Variants in SSPN observed in about 807,000 individuals in gnomAD.
The protein encoded by SSPN is K-ras oncogene-associated protein.
SSPN carries 15 observed loss-of-function variants against 19.1 expected under a neutral mutation model. The ratio of observed to expected loss-of-function variants is 0.78; its 90% confidence interval spans 0.52 to 1.21. SSPN has a LOEUF of 1.21. SSPN is among the 50% of genes most tolerant of loss of function. SSPN has a pLI of 0.00. For missense variants in SSPN, 291 were observed against 314.0 expected (o/e 0.93, Z 0.55); for synonymous variants, 147 against 140.3 (o/e 1.05, Z -0.34).
At position 26,207,342 on chromosome 12, in the gene SSPN, C is replaced by T. The variant is rs184185425; in HGVS notation, c.279+11391C>T. ...ATAATAACATAGAAAAAAATGCCCA[C>T]TTATCCATTCCTAGCTTTGCTAAAT... is the stretch of plus-strand genomic sequence containing the variant. On this transcript the variant is annotated intron_variant, in intron 1 of 2. Coordinates refer to ENST00000242729, the MANE Select transcript of SSPN (RefSeq NM_005086.5). Among the ~76,000 whole-genome samples, 12 of 152,226 alleles carry T rather than the reference C, an allele frequency of 7.9e-5. No homozygotes were observed. In the East Asian group the frequency reaches 2.3e-3, roughly 29 times the overall value.
In SSPN at chr12:26,210,343, T is replaced by A. The variant is rs141021594; in HGVS notation, c.280-13950T>A. ...CTAACAAGTTAATTTCTTAATAGAA[T>A]CAAACCACTGTTTAAATATCCATGA... On this transcript the variant is annotated intron_variant, in intron 1 of 2. Transcript: ENST00000242729. Among the ~76,000 whole-genome samples the A allele has an allele frequency of 5.5e-3, 841 of 152,190 alleles. 10 individuals are homozygous for A. Among genetic ancestry groups the A allele is most frequent in the African/African-American group, 0.019 (798 of 41,514 alleles).
intron 1 of SSPN, among the ~76,000 whole-genome samples, chr12:26,135,421 A>C (rs1357846276): frequency 6.6e-6 from 1 of 152,194 alleles, no homozygotes; most frequent in East Asian, 1.9e-4. Context: ...CCAAGCTGGT[A>C]GGCACAGAGG....
Position 26,177,736 on chromosome 12 carries a change from A to AG in SSPN, c.-30-46556dup, listed in dbSNP as rs140741936. Among the ~76,000 whole-genome samples the AG allele has an allele frequency of 6.1e-3, 929 of 152,262 alleles. 12 individuals are homozygous for AG. The highest frequency in any genetic ancestry group is 0.021 in the African/African-American group (875 of 41,540). On this transcript the variant is annotated intron_variant, in intron 1 of 2. Transcript: ENST00000538142. The stretch of plus-strand genomic sequence containing the variant: ...AGCTGGAGCTAGTCTGGAGATCCTA[A>AG]GTGTCATATGATCTGTCTGACATCT...
At chr12:26,170,037 A>T (rs1345915227) in intron 1 of SSPN, among the ~76,000 whole-genome samples, 1 of 152,168 alleles carries the variant, frequency 6.6e-6, no homozygotes, top group Non-Finnish European at 1.5e-5. Flanking sequence ...AGCACCAAGG[A>T]TTCAAGCAAA....
chr12:26,187,007 C>A (rs1944758312), intron 1 of SSPN, among the ~76,000 whole-genome samples: 1 of 152,240 alleles, frequency 6.6e-6, no homozygotes, highest in Non-Finnish European at 1.5e-5. Context: ...CTTATTCTCT[C>A]CTGTCCTAGA....
At chr12:26,151,166 C>T (rs956199661) in intron 1 of SSPN, among the ~76,000 whole-genome samples, 1 of 141,844 alleles carries the variant, frequency 7.1e-6, no homozygotes, top group African/African-American at 2.5e-5. Flanking sequence ...TCTTGAGTGC[C>T]CTGTTAGTCT....
chr12:26,122,440 C>G (rs1228540449), intron 1 of SSPN: 7 of 1,356,076 alleles, frequency 5.2e-6, no homozygotes, highest in Non-Finnish European at 5.7e-6. Flanking sequence ...TAGGCGGCAG[C>G]TGCAGAAGGC....
Position 26,195,641 on chromosome 12 carries a change from G to GCCGCCCCCCCCCCCCC in SSPN, c.-31_-30insCGCCCCCCCCCCCCCC. 1 of 1,105,402 alleles carries GCCGCCCCCCCCCCCCC rather than the reference G, an allele frequency of 9.0e-7. No individual in the cohort carries two copies. The highest frequency in any genetic ancestry group is 3.7e-5 in the South Asian group (1 of 27,366). The allele number at this position is 1,105,402 out of a possible 1,614,324, so 68.5% of individuals were successfully genotyped here. A position where few individuals can be genotyped will look rare whatever the true frequency, so the allele number is the denominator to read the frequency against. ...CTCCAGGGCCCAGGGCGCCGCACAC[G>GCCGCCCCCCCCCCCCC]CACCCACCCACCCACCCAGCCTCGC... On this transcript the variant is annotated 5_prime_UTR_variant, in exon 1 of 3. Coordinates refer to ENST00000242729, the MANE Select transcript of SSPN (RefSeq NM_005086.5).
chr12:26,147,895 C>T (rs1944502281), intron 1 of SSPN, among the ~76,000 whole-genome samples: 1 of 151,950 alleles, frequency 6.6e-6, no homozygotes. Context: ...GTTTGTACCT[C>T]TGCGTTTGCA....
At chr12:26,191,634 G>C (rs1000363199), upstream of SSPN, among the ~76,000 whole-genome samples, 1 of 149,628 alleles carries the variant, frequency 6.7e-6, no homozygotes, top group African/African-American at 2.4e-5. Flanking sequence ...AATGACATAG[G>C]AATAAAGAAA....
chr12:26,226,575 C>T (rs1469886983), intron 2 of SSPN, among the ~76,000 whole-genome samples: 3 of 152,090 alleles, frequency 2.0e-5, no homozygotes, highest in African/African-American at 4.8e-5. Flanking sequence ...CGCAGGCCCT[C>T]GATGCCACCA....
intron 1 of SSPN, among the ~76,000 whole-genome samples, chr12:26,165,512 G>C (rs533558415): frequency 7.2e-4 from 109 of 152,210 alleles, no homozygotes; most frequent in African/African-American, 2.6e-3. Context: ...CATTGAAGAA[G>C]TATGAAAAGT....
At chr12:26,213,678 T>A (rs1002904094) in intron 1 of SSPN, among the ~76,000 whole-genome samples, 5 of 152,152 alleles carry the variant, frequency 3.3e-5, no homozygotes, top group Non-Finnish European at 5.9e-5. Context: ...TACTTTTTTT[T>A]AAAGGGTTGC....
chr12:26,161,483 C>G (rs1177677243), intron 1 of SSPN, among the ~76,000 whole-genome samples: 2 of 152,226 alleles, frequency 1.3e-5, no homozygotes, highest in African/African-American at 2.4e-5. Context: ...TAGCGCCCAC[C>G]ACTGTACTCC....
rs565650567 is a variant in SSPN, at chr12:26,234,074, C to G, written c.*2998C>G. The G allele has an allele frequency of 2.0e-5, 3 of 152,144 alleles. No individual in the cohort carries two copies. Among genetic ancestry groups the G allele is most frequent in the Non-Finnish European group, 2.9e-5 (2 of 68,032 alleles). The allele number at this position is 152,144 out of a possible 1,614,324, so 9.4% of individuals were successfully genotyped here. ...TATCTCTCTACTGAGGGGTTTCCAG[C>G]TTTACACTTCTATAGGTTGTTCTGA... On this transcript the variant is annotated 3_prime_UTR_variant, in exon 3 of 3. Transcript: ENST00000242729.
intron 1 of SSPN, chr12:26,125,033 G>C: frequency 1.8e-6 from 1 of 570,826 alleles, no homozygotes; most frequent in Non-Finnish European, 3.2e-6. Flanking sequence ...TCCAGGCAGT[G>C]TTTGGCCACA....
intron 1 of SSPN, chr12:26,122,517 C>A (rs992455093): frequency 7.8e-7 from 1 of 1,288,420 alleles, no homozygotes; most frequent in Middle Eastern, 3.0e-4. Context: ...GGGCGCGCCT[C>A]CGCCTCCGCC....
At chr12:26,194,610 T>A (rs1944809947), upstream of SSPN, among the ~76,000 whole-genome samples, 1 of 152,230 alleles carries the variant, frequency 6.6e-6, no homozygotes, top group African/African-American at 2.4e-5. Flanking sequence ...AGTCTTGAAC[T>A]CCTGACCTTG....
intron 1 of SSPN, among the ~76,000 whole-genome samples, chr12:26,186,728 A>G (rs1944756544): frequency 1.3e-5 from 2 of 152,160 alleles, no homozygotes; most frequent in African/African-American, 2.4e-5. Flanking sequence ...GATAGAAATA[A>G]CTCACTTAAA....
Sources: gnomAD v4.1 joint callset for allele counts (sites outside exome capture counted in the v4.1 genomes callset) on GRCh38, gnomAD v4.1.1 for gene constraint, MANE v1.5 for transcripts, NCBI Gene and HGNC (gene_info 2026-07-23, HGNC 2026-07-21) for gene names.